The following GPC6 variants were observed in gnomAD, a reference collection of about 807,000 sequenced individuals.
GPC6 encodes glypican 6.
Under a neutral mutation model 55.2 loss-of-function variants are expected in GPC6, and 14 were observed. The ratio of observed to expected loss-of-function variants is 0.25; its 90% CI spans 0.17 to 0.40. GPC6 has a LOEUF of 0.40. GPC6 is among the 10% of genes least tolerant of loss of function. The pLI is 1.00. For missense variants in GPC6, 641 were observed against 708.5 expected (o/e 0.90, Z 1.08); for synonymous variants, 278 against 259.6 (o/e 1.07, Z -0.68).
chr13:94,159,551 G>A (rs1443506167), intron 4 of GPC6, among the ~76,000 whole-genome samples: 3 of 152,052 alleles, frequency 2.0e-5, no homozygotes, highest in Admixed American at 2.0e-4. Flanking sequence ...CTGCCCTCAT[G>A]ATTCAATTAT....
intron 1 of GPC6, among the ~76,000 whole-genome samples, chr13:93,302,937 A>C (rs1353386977): frequency 1.3e-5 from 2 of 152,202 alleles, no homozygotes; most frequent in Non-Finnish European, 1.5e-5. Flanking sequence ...AACATAAGCA[A>C]AACTTGAGCT....
At chr13:94,308,199 A>T (rs1876057024) in intron 6 of GPC6, among the ~76,000 whole-genome samples, 2 of 152,220 alleles carry the variant, frequency 1.3e-5, no homozygotes, top group African/African-American at 2.4e-5. Context: ...CGGGAGAAAT[A>T]AACACACACC....
intron 6 of GPC6, among the ~76,000 whole-genome samples, chr13:94,308,784 G>C (rs1168066708): frequency 6.6e-6 from 1 of 152,202 alleles, no homozygotes; most frequent in African/African-American, 2.4e-5. Context: ...CACTGTTTGC[G>C]CATCAAACGG....
At position 93,825,280 on chromosome 13, in the gene GPC6, AT is replaced by A. The variant is rs144402692; in HGVS notation, c.320-4871del. 8.9e-3 allele frequency among the ~76,000 whole-genome samples: 1,358 copies of A among 152,270 alleles called. 13 individuals carry two copies. Among genetic ancestry groups the A allele is most frequent in the Middle Eastern group, 0.037 (11 of 294 alleles). ...TAGAGGCCAGGCATACTACTTAATA[AT>A]TTACAATATACAGCACAGTGCTCCC... is the stretch of plus-strand genomic sequence containing the variant. On this transcript the variant is annotated intron_variant, in intron 2 of 8. Transcript: ENST00000377047.
intron 1 of GPC6, among the ~76,000 whole-genome samples, chr13:93,531,935 A>G (rs531085195): frequency 1.2e-4 from 19 of 152,270 alleles, no homozygotes; most frequent in Non-Finnish European, 2.5e-4. Context: ...GTAAGGAAAA[A>G]TGCTGCTTTG....
chr13:93,825,792 G>A (rs1207969246), intron 2 of GPC6, among the ~76,000 whole-genome samples: 7 of 151,706 alleles, frequency 4.6e-5, no homozygotes, highest in Admixed American at 2.0e-4. Flanking sequence ...TAAGTTTATT[G>A]AGTGTCTATG....
chr13:93,231,393 A>ATG (rs1555336148), intron 1 of GPC6, among the ~76,000 whole-genome samples: 1,441 of 24,054 alleles, frequency 0.06, 48 homozygotes, highest in South Asian at 0.11. Flanking sequence ...ATATATATAT[A>ATG]TATGTATATA....
At chr13:93,427,097 C>G (rs923965319) in intron 1 of GPC6, among the ~76,000 whole-genome samples, 26 of 148,692 alleles carry the variant, frequency 1.7e-4, no homozygotes, top group African/African-American at 5.7e-4. Flanking sequence ...TTGTTTTTTT[C>G]TTGTAAATTT....
At chr13:94,261,041 A>G (rs1891641912) in intron 4 of GPC6, among the ~76,000 whole-genome samples, 2 of 152,166 alleles carry the variant, frequency 1.3e-5, no homozygotes, top group African/African-American at 4.8e-5. Context: ...TGGGAGGCCA[A>G]GGTGGGTGGA....
intron 4 of GPC6, among the ~76,000 whole-genome samples, chr13:94,191,749 C>T (rs1005529453): frequency 2.6e-5 from 4 of 152,162 alleles, no homozygotes; most frequent in Non-Finnish European, 5.9e-5. Flanking sequence ...GGCAGAGGAT[C>T]TTCCCATGGG....
chr13:94,353,119 A>G (rs9524454), intron 6 of GPC6, among the ~76,000 whole-genome samples: 7,150 of 152,230 alleles, frequency 0.047, 244 homozygotes, highest in East Asian at 0.074. Context: ...AAAGAAGTAG[A>G]TACGACTTAC....
rs1208603108 is a variant in GPC6, at chr13:94,306,216, TAA to T, written c.1152+94_1152+95del. 3.7e-6 allele frequency: 5 copies of T among 1,340,312 alleles called. No homozygotes were observed. The African/African-American group carries it at 5.7e-5, about 15-fold the overall frequency. The allele number at this position is 1,340,312 out of a possible 1,614,324, so 83.0% of individuals were successfully genotyped here. ...CAGGAGATTCTGGAAAAGTTTGTTATAAGAGTCATCTCATGCTTATATCTGCC... is the reference window on the plus strand; with the variant it reads ...CAGGAGATTCTGGAAAAGTTTGTTATGAGTCATCTCATGCTTATATCTGCC... On this transcript the variant is annotated intron_variant, in intron 6 of 8. Coordinates refer to ENST00000377047, the MANE Select transcript of GPC6 (RefSeq NM_005708.5).
chr13:93,648,426 A>G (rs534613214), intron 2 of GPC6, among the ~76,000 whole-genome samples: 2 of 152,342 alleles, frequency 1.3e-5, no homozygotes, highest in South Asian at 4.1e-4. Flanking sequence ...GAATAATTTT[A>G]CTGAAATTGT....
chr13:93,813,665 A>G (rs1886765282), intron 2 of GPC6, among the ~76,000 whole-genome samples: 1 of 152,082 alleles, frequency 6.6e-6, no homozygotes, highest in Admixed American at 6.5e-5. Context: ...AAATAAATAA[A>G]GTATTGGTAA....
At chr13:93,330,087 A>G (rs1879794119) in intron 1 of GPC6, among the ~76,000 whole-genome samples, 1 of 152,180 alleles carries the variant, frequency 6.6e-6, no homozygotes, top group Admixed American at 6.6e-5. Flanking sequence ...CTCATAGTGT[A>G]TATACATGGA....
At chr13:93,402,915 A>G (rs1876143774) in intron 1 of GPC6, among the ~76,000 whole-genome samples, 1 of 152,170 alleles carries the variant, frequency 6.6e-6, no homozygotes, top group Non-Finnish European at 1.5e-5. Flanking sequence ...ACTAATGAGT[A>G]TACATATCTT....
At chr13:93,368,338 T>TCCC (rs1881328719) in intron 1 of GPC6, among the ~76,000 whole-genome samples, 1 of 27,090 alleles carries the variant, frequency 3.7e-5, no homozygotes, top group African/African-American at 2.2e-4. Flanking sequence ...CCTCCCTGCT[T>TCCC]TCCTTCCTTC....
intron 3 of GPC6, among the ~76,000 whole-genome samples, chr13:93,872,266 A>G (rs1490817031): frequency 6.6e-6 from 1 of 152,004 alleles, no homozygotes; most frequent in African/African-American, 2.4e-5. Flanking sequence ...AGAAACACCC[A>G]AATGGATTTT....
chr13:93,720,217 G>A (rs924140596), intron 2 of GPC6, among the ~76,000 whole-genome samples: 1 of 148,434 alleles, frequency 6.7e-6, no homozygotes, highest in Non-Finnish European at 1.5e-5. Flanking sequence ...GGTCCTGGTT[G>A]GTAGGCTATT....
Sources: gnomAD v4.1 joint callset for allele counts (sites outside exome capture counted in the v4.1 genomes callset) on GRCh38, gnomAD v4.1.1 for gene constraint, MANE v1.5 for transcripts, NCBI Gene and HGNC (gene_info 2026-07-23, HGNC 2026-07-21) for gene names.